Variants in CNTN4 observed in about 807,000 individuals in gnomAD.
CNTN4 encodes the protein contactin-4.
Under a neutral mutation model 122.5 loss-of-function variants are expected in CNTN4, and 77 were observed. The ratio of observed to expected loss-of-function variants is 0.63; its 90% confidence interval spans 0.52 to 0.76. The LOEUF (loss-of-function observed/expected upper bound fraction) is 0.76. Among genes scored for constraint, CNTN4 ranks in the 30% least tolerant of loss-of-function variants. The pLI is 0.00. For missense variants in CNTN4, 1,256 were observed against 1,259.1 expected (o/e 1.00, Z 0.04); for synonymous variants, 512 against 447.0 (o/e 1.15, Z -1.83).
intron 4 of CNTN4, among the ~76,000 whole-genome samples, chr3:2,663,846 A>G (rs1226834907): frequency 6.6e-6 from 1 of 152,236 alleles, no homozygotes; most frequent in Non-Finnish European, 1.5e-5. Context: ...CATACATATT[A>G]CAACAAAGAT....
At chr3:2,368,178 C>CG (rs1255243163) in intron 3 of CNTN4, among the ~76,000 whole-genome samples, 1 of 73,250 alleles carries the variant, frequency 1.4e-5, no homozygotes, top group Non-Finnish European at 3.2e-5. Flanking sequence ...GACTACAGGG[C>CG]CCGCCACCAC....
chr3:2,478,309 G>A (rs1210490897), intron 3 of CNTN4, among the ~76,000 whole-genome samples: 2 of 151,950 alleles, frequency 1.3e-5, no homozygotes, highest in Non-Finnish European at 2.9e-5. Context: ...CTTTTATAGT[G>A]TGTATGAATA....
chr3:2,452,216 C>T (rs2048853803), intron 3 of CNTN4, among the ~76,000 whole-genome samples: 2 of 152,180 alleles, frequency 1.3e-5, no homozygotes, highest in Admixed American at 6.5e-5. Flanking sequence ...AGTCATTTTA[C>T]TTGCCCTGGC....
At chr3:2,441,357 C>CTCCT (rs2048432476) in intron 3 of CNTN4, among the ~76,000 whole-genome samples, 6 of 152,126 alleles carry the variant, frequency 3.9e-5, no homozygotes, top group Admixed American at 2.0e-4. Flanking sequence ...TTATTTAAGC[C>CTCCT]TCCTGCCTGT....
chr3:2,116,152 G>A (rs1292980263), intron 2 of CNTN4, among the ~76,000 whole-genome samples: 1 of 152,080 alleles, frequency 6.6e-6, no homozygotes, highest in Admixed American at 6.6e-5. Context: ...GCTAATGTTA[G>A]AAACAAAGCA....
chr3:3,035,755 G>T (rs990739669), intron 17 of CNTN4, among the ~76,000 whole-genome samples: 1 of 152,104 alleles, frequency 6.6e-6, no homozygotes, highest in East Asian at 1.9e-4. Context: ...GACAGGTCTT[G>T]CTATGTTGCT....
intron 3 of CNTN4, among the ~76,000 whole-genome samples, chr3:2,543,608 G>A (rs1422583061): frequency 6.6e-6 from 1 of 152,052 alleles, no homozygotes; most frequent in East Asian, 1.9e-4. Flanking sequence ...ATAATAGGGA[G>A]CCAAAACAAG....
intron 2 of CNTN4, among the ~76,000 whole-genome samples, chr3:2,259,591 A>T (rs923567427): frequency 6.6e-6 from 1 of 152,192 alleles, no homozygotes; most frequent in Non-Finnish European, 1.5e-5. Context: ...CACATCTTAC[A>T]TGGCTGCAGG....
intron 2 of CNTN4, among the ~76,000 whole-genome samples, chr3:2,139,937 T>G (rs1398602377): frequency 6.6e-6 from 1 of 152,230 alleles, no homozygotes; most frequent in East Asian, 1.9e-4. Flanking sequence ...ATCCCTATAA[T>G]TCCCACCTGT....
intron 4 of CNTN4, among the ~76,000 whole-genome samples, chr3:2,662,255 A>G (rs73805378): frequency 0.039 from 5,953 of 152,268 alleles, 398 homozygotes; most frequent in African/African-American, 0.14. Flanking sequence ...ACTGACTGCT[A>G]TATTATATTA....
intron 2 of CNTN4, among the ~76,000 whole-genome samples, chr3:2,185,732 A>C (rs928558941): frequency 6.6e-6 from 1 of 152,042 alleles, no homozygotes; most frequent in African/African-American, 2.4e-5. Context: ...TAATGGTACA[A>C]AGTATTTCTT....
chr3:2,464,675 G>A (rs774520993), intron 3 of CNTN4, among the ~76,000 whole-genome samples: 1 of 152,180 alleles, frequency 6.6e-6, no homozygotes, highest in Non-Finnish European at 1.5e-5. Context: ...TGGGTTTCAG[G>A]TTGGAACAAA....
At chr3:2,967,521 G>C (rs1283257643) in intron 13 of CNTN4, among the ~76,000 whole-genome samples, 1 of 152,104 alleles carries the variant, frequency 6.6e-6, no homozygotes, top group East Asian at 1.9e-4. Context: ...TATTGTCTTT[G>C]TTTTAAACTA....
chr3:2,129,114 GAAAAT>G (rs1472989777), intron 2 of CNTN4, among the ~76,000 whole-genome samples: 10 of 151,950 alleles, frequency 6.6e-5, no homozygotes, highest in African/African-American at 2.4e-4. Flanking sequence ...TTTAGGAAAA[GAAAAT>G]AAAACAAAAT....
At chr3:2,677,001 T>A (rs893114771) in intron 4 of CNTN4, among the ~76,000 whole-genome samples, 22 of 152,120 alleles carry the variant, frequency 1.4e-4, no homozygotes, top group African/African-American at 5.1e-4. Context: ...GTTTTTTAAG[T>A]AAGTATCTGT....
At chr3:2,238,237 G>C (rs1028314445) in intron 2 of CNTN4, among the ~76,000 whole-genome samples, 1 of 152,010 alleles carries the variant, frequency 6.6e-6, no homozygotes, top group Non-Finnish European at 1.5e-5. Flanking sequence ...TATCTTCTAG[G>C]AATTGTATAA....
chr3:2,373,921 T>C (rs1249215122), intron 3 of CNTN4, among the ~76,000 whole-genome samples: 1 of 152,158 alleles, frequency 6.6e-6, no homozygotes, highest in Admixed American at 6.5e-5. Context: ...GTTTAAACTT[T>C]TTATGGTTAA....
rs1696649140 is a variant in CNTN4, at chr3:3,006,353, G to GT, written c.1486+17881_1486+17882insT. ...GGTGCTCTGTAACAATTTATTGAAT[G>GT]GATGGAAGAATGAATTAATGAAAGG... On this transcript the variant is annotated intron_variant, in intron 14 of 24. Transcript: ENST00000418658. Among the ~76,000 whole-genome samples the GT allele has an allele frequency of 2.0e-5, 3 of 152,178 alleles. 1 individual carries two copies. The South Asian group carries it at 6.3e-4, about 32-fold the overall frequency.
intron 13 of CNTN4, among the ~76,000 whole-genome samples, chr3:2,980,672 G>T (rs983424426): frequency 2.0e-5 from 3 of 152,202 alleles, no homozygotes. Context: ...CAAGGAGTGA[G>T]TTTAGAGCCG....
Sources: allele counts gnomAD v4.1 joint callset (sites outside exome capture counted in the v4.1 genomes callset), GRCh38; gene constraint gnomAD v4.1.1; transcripts MANE v1.5; gene names NCBI Gene and HGNC (gene_info 2026-07-23, HGNC 2026-07-21).